The following ALDH1L1 variants were observed in gnomAD, a reference collection of about 807,000 sequenced individuals.
ALDH1L1 encodes the protein aldehyde dehydrogenase 1 family member L1.
Under a neutral mutation model 101.1 loss-of-function variants are expected in ALDH1L1, and 68 were observed. The ratio of observed to expected loss-of-function variants is 0.67; its 90% CI spans 0.55 to 0.82. The LOEUF (loss-of-function observed/expected upper bound fraction) is 0.82, where lower values mean the gene tolerates loss of function less well. ALDH1L1 is among the 40% of genes least tolerant of loss of function. The pLI, the probability that ALDH1L1 is intolerant of heterozygous loss-of-function variation, is 0.00. For missense variants in ALDH1L1, 1,087 were observed against 1,172.7 expected, an observed-to-expected ratio of 0.93 and a Z score of 1.07; for synonymous variants, 486 against 470.8, an observed-to-expected ratio of 1.03 and a Z score of -0.42.
At chr3:126,105,468 A>C in intron 22 of ALDH1L1, 5 of 507,112 alleles carry the variant, frequency 9.9e-6, no homozygotes, top group South Asian at 1.9e-5. Context: ...ACCACACCAG[A>C]GAGGCCCCCA....
chr3:126,189,146 A>AG (rs1490691267), intron 1 of ALDH1L1, among the ~76,000 whole-genome samples: 2 of 152,216 alleles, frequency 1.3e-5, no homozygotes, highest in African/African-American at 4.8e-5. Context: ...CAATTGCATT[A>AG]GGTATGTTCC....
At chr3:126,182,132 A>T (rs2081480850), upstream of ALDH1L1, among the ~76,000 whole-genome samples, 1 of 150,566 alleles carries the variant, frequency 6.6e-6, no homozygotes, top group South Asian at 2.1e-4. Flanking sequence ...TTCTTCATGA[A>T]CCTCTCTCAA....
At chr3:126,114,796 C>A in intron 17 of ALDH1L1, 140 bp from the exon 18 acceptor site, 1 of 763,654 alleles carries the variant, frequency 1.3e-6, no homozygotes, top group East Asian at 2.6e-5. Flanking sequence ...TCCCCACTCC[C>A]CCCCACCCCT....
intron 1 of ALDH1L1, among the ~76,000 whole-genome samples, chr3:126,163,817 T>C (rs1239973924): frequency 2.0e-5 from 3 of 152,188 alleles, no homozygotes; most frequent in African/African-American, 7.2e-5. Flanking sequence ...ATTTTATTTG[T>C]TTTTAAATCT....
At chr3:126,193,475 C>G (rs1479219209) in intron 1 of ALDH1L1, among the ~76,000 whole-genome samples, 3 of 152,066 alleles carry the variant, frequency 2.0e-5, no homozygotes, top group Admixed American at 1.3e-4. Context: ...TTGCTGGGTT[C>G]TCACTTAAGT....
chr3:126,126,299 G>A (rs72965994), intron 14 of ALDH1L1, among the ~76,000 whole-genome samples: 237 of 152,290 alleles, frequency 1.6e-3, no homozygotes, highest in African/African-American at 5.6e-3. Context: ...GCACTGGGGA[G>A]GCCGCAGAGT....
At chr3:126,115,318 G>A (rs1485774469) in intron 17 of ALDH1L1, 1 of 325,586 alleles carries the variant, frequency 3.1e-6, no homozygotes, top group African/African-American at 2.2e-5. Flanking sequence ...TCAATAGCCG[G>A]CAGGTAGGAG....
intron 1 of ALDH1L1, among the ~76,000 whole-genome samples, chr3:126,196,676 A>G (rs1209265512): frequency 6.6e-6 from 1 of 152,238 alleles, no homozygotes; most frequent in Non-Finnish European, 1.5e-5. Context: ...GGTGGTAAGC[A>G]GTTTTTACAA....
At chr3:126,103,934 G>C (rs572315882) in intron 22 of ALDH1L1, 88 bp from the exon 23 acceptor site, 1 of 1,460,842 alleles carries the variant, frequency 6.8e-7, no homozygotes, top group Non-Finnish European at 9.4e-7. Context: ...CAGCAACCAC[G>C]TGGGGGCAGC....
chr3:126,183,913 C>T (rs1028295174), upstream of ALDH1L1, among the ~76,000 whole-genome samples: 2 of 152,050 alleles, frequency 1.3e-5, no homozygotes, highest in African/African-American at 2.4e-5. Flanking sequence ...GTTTGGAGGG[C>T]GAATGTATTT....
intron 1 of ALDH1L1, among the ~76,000 whole-genome samples, chr3:126,166,040 C>T (rs548211373): frequency 2.7e-4 from 41 of 152,082 alleles, no homozygotes; most frequent in African/African-American, 8.7e-4. Context: ...TCTATCTTCT[C>T]GATGAAGCCA....
In ALDH1L1 at chr3:126,154,655, A is replaced by C; in HGVS notation, c.631-12T>G. ...TGGTCCCAGTTGATCTGTGGGGAGC[A>C]AGGTGTGTGTGCTCAGCTGGTCTCT... On this transcript the variant is annotated splice_polypyrimidine_tract_variant and intron_variant, in intron 5 of 22. Coordinates refer to ENST00000393434, the MANE Select transcript of ALDH1L1 (RefSeq NM_012190.4). 1 of 1,613,544 alleles carries C rather than the reference A, an allele frequency of 6.2e-7. No individual in the cohort carries two copies. The highest frequency in any genetic ancestry group is 8.5e-7 in the Non-Finnish European group (1 of 1,179,654).
rs775574700 is a variant in ALDH1L1 at position 126,137,818 on chromosome 3, C to T, written c.1219G>A (p.Asp407Asn). 34 of 1,613,590 alleles carry T rather than the reference C, an allele frequency of 2.1e-5. No homozygotes were observed. The highest frequency in any genetic ancestry group is 1.9e-5 in the Non-Finnish European group (23 of 1,179,860). ...GDDEEGECSI[D>N]YVEMAVNKRT... ...AGGGAGGGCCCAGCACTCACGTAGT[C>T]AATGCTGCACTCGCCCTCCTCATCG... The change falls in exon 10 of 23, where the codon GAC becomes AAC. Residue 407 changes from aspartate to asparagine, a missense_variant. Physicochemically the swap from Asp to Asn is conservative, Grantham distance 23 (BLOSUM62 1). Coordinates refer to ENST00000393434, the MANE Select transcript of ALDH1L1 (RefSeq NM_012190.4).
intron 15 of ALDH1L1, among the ~76,000 whole-genome samples, chr3:126,124,928 G>A (rs981756281): frequency 3.9e-5 from 6 of 152,150 alleles, no homozygotes; most frequent in African/African-American, 9.7e-5. Flanking sequence ...CCCTTGCCGC[G>A]AAATTACCCC....
chr3:126,133,902 C>T (rs951769313), intron 12 of ALDH1L1, among the ~76,000 whole-genome samples: 1 of 152,214 alleles, frequency 6.6e-6, no homozygotes, highest in Non-Finnish European at 1.5e-5. Flanking sequence ...CTCTTTGTGG[C>T]CCCACTTGGC....
rs371363105 is a variant in ALDH1L1, at chr3:126,114,669, G to T, written c.1983-13C>A. On this transcript the variant is annotated splice_polypyrimidine_tract_variant and intron_variant, in intron 17 of 22. Coordinates refer to ENST00000393434, the MANE Select transcript of ALDH1L1 (RefSeq NM_012190.4). Reference sequence around the variant, plus strand: ...ACTTATGGCACAGCTGCAAGGAACAGAGGGCTGGTGGGGCCGGTCCCTCCA... The same window carrying T: ...ACTTATGGCACAGCTGCAAGGAACATAGGGCTGGTGGGGCCGGTCCCTCCA... The T allele has an allele frequency of 1.3e-5, 20 of 1,544,214 alleles. No homozygotes were observed. The highest frequency in any genetic ancestry group is 1.7e-5 in the Non-Finnish European group (20 of 1,143,974).
intron 7 of ALDH1L1, chr3:126,150,861 A>C (rs2080796213): frequency 3.7e-6 from 1 of 273,324 alleles, no homozygotes; most frequent in Non-Finnish European, 7.1e-6. Flanking sequence ...CCCGGCCAAA[A>C]GGAAGGATTT....
Position 126,163,850 on chromosome 3 carries a change from T to A in ALDH1L1, c.-23-2848A>T, listed in dbSNP as rs375175840. Reference sequence around the variant, plus strand: ...TCTATGCTTGTAAGAAATATTGACATGAACCAGTCCCAGTCGCTCATGACT... The same window carrying A: ...TCTATGCTTGTAAGAAATATTGACAAGAACCAGTCCCAGTCGCTCATGACT... On this transcript the variant is annotated intron_variant, in intron 1 of 22. Transcript: ENST00000393434. Among the ~76,000 whole-genome samples, 17 of 152,294 alleles carry A rather than the reference T, an allele frequency of 1.1e-4. No homozygotes were observed. In the South Asian group the frequency reaches 1.5e-3, roughly 13 times the overall value.
In ALDH1L1 at chr3:126,109,817, G is replaced by T. The variant is rs1946017894; in HGVS notation, c.2347+127C>A. The T allele has an allele frequency of 1.3e-4, 177 of 1,349,278 alleles. 2 individuals carry two copies. The South Asian group carries it at 2.3e-3, about 18-fold the overall frequency. 83.6% of individuals were successfully genotyped at this position (1,349,278 alleles called of 1,614,324 possible). ...GCCCAGTCCATCCCAGGTCCCAGAT[G>T]GGGCTGCAGCCTGACTGTGTAGGTA... On this transcript the variant is annotated intron_variant, in intron 20 of 22. Transcript: ENST00000393434.
Sources: gnomAD v4.1 joint callset for allele counts (sites outside exome capture counted in the v4.1 genomes callset) on GRCh38, gnomAD v4.1.1 for gene constraint, MANE v1.5 for transcripts, NCBI Gene and HGNC (gene_info 2026-07-23, HGNC 2026-07-21) for gene names.